Variants in RERGL observed in about 807,000 individuals in gnomAD.
RERGL encodes the protein ras-related and estrogen-regulated growth inhibitor-like protein.
RERGL carries 22 observed loss-of-function variants against 24.7 expected under a neutral mutation model. The ratio of observed to expected loss-of-function variants is 0.89; its 90% confidence interval spans 0.64 to 1.27. The LOEUF is 1.27. RERGL is among the 50% of genes most tolerant of loss of function. RERGL has a pLI of 0.00. For missense variants in RERGL, 259 were observed against 235.3 expected, an observed-to-expected ratio of 1.10 and a Z score of -0.66; for synonymous variants, 76 against 82.6, an observed-to-expected ratio of 0.92 and a Z score of 0.43.
chr12:18,085,536 T>G, intron 3 of RERGL, 84 bp downstream of exon 3: 1 of 888,596 alleles, frequency 1.1e-6, no homozygotes, highest in Non-Finnish European at 1.7e-6. Flanking sequence ...TTTTTTCACT[T>G]ACCCCCATAT....
intron 2 of RERGL, among the ~76,000 whole-genome samples, chr12:18,087,735 C>T (rs1378981538): frequency 6.6e-6 from 1 of 152,060 alleles, no homozygotes; most frequent in African/African-American, 2.4e-5. Flanking sequence ...ATTTGGATAG[C>T]ATATCGTTCT....
chr12:18,081,619 T>C (rs1426422178), intron 4 of RERGL, 146 bp from the exon 5 acceptor site: 3 of 702,290 alleles, frequency 4.3e-6, no homozygotes, highest in African/African-American at 3.6e-5. Context: ...CATGTGTGTA[T>C]ACAGTTACAC....
Position 18,084,648 on chromosome 12 carries a change from G to C in RERGL, c.201C>G (p.Phe67Leu). 5.6e-6 allele frequency: 9 copies of C among 1,609,220 alleles called. No individual in the cohort carries two copies. Among genetic ancestry groups the C allele is most frequent in the Non-Finnish European group, 7.6e-6 (9 of 1,178,372 alleles). ...CCCAGTGAAGCTCACTTGTGAGGGAGAATTTTGCTTTCTGTGTCTGAAAAT... is the reference window on the plus strand; with the variant it reads ...CCCAGTGAAGCTCACTTGTGAGGGACAATTTTGCTTTCTGTGTCTGAAAAT... ...DPCSQTQKAK[F>L]SLTSELHWAD... Residue 67 changes from phenylalanine to leucine, a missense_variant, in exon 4 of 5, where the codon TTC becomes TTG. By Grantham distance (22) the Phe-to-Leu change is conservative. Transcript: ENST00000538724.
At chr12:18,088,860 TA>T (rs1265891536) in intron 2 of RERGL, 39 bp downstream of exon 2, 1 of 1,283,908 alleles carries the variant, frequency 7.8e-7, no homozygotes, top group Non-Finnish European at 1.1e-6. Context: ...ATTACGATGT[TA>T]AAAGTTTTAA....
At chr12:18,089,976 G>C in intron 1 of RERGL, 113 bp downstream of exon 1, 1 of 694,194 alleles carries the variant, frequency 1.4e-6, no homozygotes, top group Non-Finnish European at 2.1e-6. Flanking sequence ...TGTTATTATA[G>C]ATATATTTTC....
intron 4 of RERGL, among the ~76,000 whole-genome samples, chr12:18,081,781 C>A (rs1340752653): frequency 2.6e-5 from 4 of 152,068 alleles, no homozygotes; most frequent in South Asian, 4.1e-4. Flanking sequence ...ACCTTTTCCA[C>A]TTTCAGTTTC....
chr12:18,080,973 T>C lies in RERGL; in HGVS notation c.*218A>G, dbSNP rs902257296. On this transcript the variant is annotated 3_prime_UTR_variant, in exon 5 of 5. Coordinates refer to ENST00000538724, the MANE Select transcript of RERGL (RefSeq NM_001286201.2). ...TTAGGGTGAGTGTGATGTTGTACAA[T>C]AAATGAAAGGTTCTGTGTGAAGGAG... is the stretch of plus-strand genomic sequence containing the variant. 19 of 412,718 alleles carry C rather than the reference T, an allele frequency of 4.6e-5. No individual in the cohort carries two copies. The highest frequency in any genetic ancestry group is 3.8e-4 in the African/African-American group (19 of 50,580). 25.6% of individuals were successfully genotyped at this position (412,718 alleles called of 1,614,324 possible). A position where few individuals can be genotyped will look rare whatever the true frequency, so the allele number is the denominator to read the frequency against.
intron 3 of RERGL, 118 bp downstream of exon 3, chr12:18,085,502 G>A (rs1475370084): frequency 3.1e-6 from 2 of 650,978 alleles, no homozygotes; most frequent in Non-Finnish European, 5.2e-6. Flanking sequence ...AAGAAACTTC[G>A]GTTTTAACAC....
chr12:18,081,024 A>C lies in RERGL; in HGVS notation c.*167T>G. 1 of 610,238 alleles carries C rather than the reference A, an allele frequency of 1.6e-6. No individual in the cohort carries two copies. The highest frequency in any genetic ancestry group is 2.7e-6 in the Non-Finnish European group (1 of 364,476). 37.8% of individuals were successfully genotyped at this position (610,238 alleles called of 1,614,324 possible). A position where few individuals can be genotyped will look rare whatever the true frequency, so the allele number is the denominator to read the frequency against. The stretch of plus-strand genomic sequence containing the variant: ...AGTGAGCAGGGTACAACAACCAAAA[A>C]GGCAAACTACATATTTGAAAACACA... On this transcript the variant is annotated 3_prime_UTR_variant, in exon 5 of 5. Transcript: ENST00000538724.
At position 18,081,149 on chromosome 12, in the gene RERGL, G is replaced by C. The variant is rs780408227; in HGVS notation, c.*42C>G. On this transcript the variant is annotated 3_prime_UTR_variant, in exon 5 of 5. Transcript: ENST00000538724. ...TAGTTTAATTATCATGTGAATGTTT[G>C]AAACTCTCTGATATAGGAAATCTCC... is the stretch of plus-strand genomic sequence containing the variant. The C allele has an allele frequency of 6.6e-7, 1 of 1,525,132 alleles. No homozygotes were observed. Among genetic ancestry groups the C allele is most frequent in the East Asian group, 2.3e-5 (1 of 44,018 alleles). The allele number at this position is 1,525,132 out of a possible 1,614,324, so 94.5% of individuals were successfully genotyped here. A position where few individuals can be genotyped will look rare whatever the true frequency, so the allele number is the denominator to read the frequency against.
At position 18,081,372 on chromosome 12, in the gene RERGL, C is replaced by T. The variant is rs1008576681; in HGVS notation, c.434G>A (p.Arg145Gln). ...TGCAGACAGTTCACAGAATTGGCAT[C>T]GGTTTTCCAGTGCCAGCTTTTGCCC... ...EEGQKLALEN[R>Q]CQFCELSAAE... The change falls in exon 5 of 5, where the codon CGA becomes CAA. Residue 145 changes from arginine to glutamine, a missense_variant. Coordinates refer to ENST00000538724, the MANE Select transcript of RERGL (RefSeq NM_001286201.2). The T allele has an allele frequency of 3.0e-5, 48 of 1,614,080 alleles. No individual in the cohort carries two copies. The highest frequency in any genetic ancestry group is 3.8e-5 in the Non-Finnish European group (45 of 1,179,982).
intron 1 of RERGL, chr12:18,089,509 C>T: frequency 1.9e-6 from 1 of 533,962 alleles, no homozygotes; most frequent in Non-Finnish European, 2.9e-6. Flanking sequence ...TAGCATGTCA[C>T]CATTATAATG....
At position 18,090,087 on chromosome 12, in the gene RERGL, ACCAGATTTGCCTGTT is replaced by A. The variant is rs1947255845; in HGVS notation, c.39_52+1del. On this transcript the variant is annotated splice_donor_variant and coding_sequence_variant, in exon 1 of 5. Transcript: ENST00000538724. LOFTEE classifies it high-confidence loss of function. ...GATAACAGAGAAGATGTCACCACTC[ACCAGATTTGCCTGTT>A]CCTTCACCACCCAAGACAGCAAGCT... is the stretch of plus-strand genomic sequence containing the variant. The A allele has an allele frequency of 1.3e-6, 2 of 1,532,252 alleles. No homozygotes were observed. Among genetic ancestry groups the A allele is most frequent in the African/African-American group, 2.7e-5 (2 of 72,858 alleles). The allele number at this position is 1,532,252 out of a possible 1,614,324, so 94.9% of individuals were successfully genotyped here.
chr12:18,088,931 C>T lies in RERGL; in HGVS notation c.78G>A (p.Lys26=), dbSNP rs142787584. Residue 26 remains lysine (K), a synonymous_variant, in exon 2 of 5, where the codon AAG becomes AAA. Coordinates refer to ENST00000538724, the MANE Select transcript of RERGL (RefSeq NM_001286201.2). ...KSALTVRFLT[K]RFIGEYASNF... is the part of the protein sequence containing the mutation. ...TAGAAGCATATTCTCCAATGAATCG[C>T]TTAGTAAGAAACCTCACTGTAAGGG... 3.2e-4 allele frequency: 523 copies of T among 1,610,708 alleles called. 1 individual carries two copies. In the African/African-American group the frequency reaches 5.5e-3, roughly 17 times the overall value.
chr12:18,089,182 A>G, intron 1 of RERGL: 1 of 1,521,588 alleles, frequency 6.6e-7, no homozygotes, highest in Non-Finnish European at 9.0e-7. Context: ...TCACATCTAA[A>G]TCACTATGCA....
chr12:18,088,341 CAG>C (rs1290459653), intron 2 of RERGL, among the ~76,000 whole-genome samples: 1 of 151,910 alleles, frequency 6.6e-6, no homozygotes, highest in Non-Finnish European at 1.5e-5. Context: ...AGTCAAAAAA[CAG>C]AAATTTATAG....
Position 18,082,269 on chromosome 12 carries a change from G to A in RERGL, c.333-796C>T, listed in dbSNP as rs1307298461. ...ATACTGCATGTTCTCACTCATAAGT[G>A]AGACCTAAATGATGAGAACATATGG... On this transcript the variant is annotated intron_variant, in intron 4 of 4. Transcript: ENST00000538724. 1.1e-4 allele frequency among the ~76,000 whole-genome samples: 16 copies of A among 152,054 alleles called. 1 individual carries two copies. The highest frequency in any genetic ancestry group is 8.5e-4 in the Admixed American group (13 of 15,272).
At chr12:18,081,545 AGATTTATAACCAAAGGATTATAAATC>A in intron 4 of RERGL, 72 bp from the exon 5 acceptor site, 1 of 972,896 alleles carries the variant, frequency 1.0e-6, no homozygotes, top group Non-Finnish European at 1.5e-6. Context: ...AAAAAAAAAC[AGATTTATAACCAAAGGATTATAAATC>A]AAAAAAGAAA....
intron 4 of RERGL, among the ~76,000 whole-genome samples, chr12:18,082,821 C>G (rs1249502372): frequency 6.6e-6 from 1 of 152,134 alleles, no homozygotes; most frequent in Non-Finnish European, 1.5e-5. Context: ...ATGGACTTGT[C>G]CAACTCTCCT....
Sources: gnomAD v4.1 joint callset for allele counts (sites outside exome capture counted in the v4.1 genomes callset) on GRCh38, gnomAD v4.1.1 for gene constraint, MANE v1.5 for transcripts, NCBI Gene and HGNC (gene_info 2026-07-23, HGNC 2026-07-21) for gene names.